NSD1: variants seen among roughly 807,000 people sequenced by gnomAD.
The protein encoded by NSD1 is nuclear receptor binding SET domain protein 1, also known as histone-lysine N-methyltransferase, H3 lysine-36 specific.
In NSD1, 26 loss-of-function variants were observed where a neutral mutation model predicts 242.7. The observed-to-expected ratio is 0.11, with a 90% confidence interval of 0.08 to 0.15. The LOEUF (loss-of-function observed/expected upper bound fraction) is 0.15, where lower values mean the gene tolerates loss of function less well. Among genes scored for constraint, NSD1 ranks in the 10% least tolerant of loss-of-function variants. The pLI is 1.00. For missense variants in NSD1, 2,495 were observed against 3,272.8 expected (o/e 0.76, Z 5.80); for synonymous variants, 1,106 against 1,178.1 (o/e 0.94, Z 1.25).
At chr5:177,293,160 G>A (rs1018403435) in intron 22 of NSD1, among the ~76,000 whole-genome samples, 3 of 152,338 alleles carry the variant, frequency 2.0e-5, no homozygotes, top group African/African-American at 7.2e-5. Context: ...TGTGCCAGGA[G>A]TGGGAGCTGG....
intron 22 of NSD1, 121 bp from the exon 23 acceptor site, chr5:177,293,711 C>T: frequency 1.8e-6 from 2 of 1,102,948 alleles, no homozygotes; most frequent in South Asian, 2.6e-5. Flanking sequence ...CATAAGCTCT[C>T]TGAAGCAGGG....
intron 5 of NSD1, among the ~76,000 whole-genome samples, chr5:177,220,662 C>T (rs148919382): frequency 3.3e-4 from 49 of 150,350 alleles, no homozygotes; most frequent in African/African-American, 1.2e-3. Context: ...CTCCGCCTCC[C>T]GGGTTCAAGT....
intron 3 of NSD1, among the ~76,000 whole-genome samples, chr5:177,199,729 A>G (rs1052655260): frequency 6.6e-6 from 1 of 151,916 alleles, no homozygotes; most frequent in Non-Finnish European, 1.5e-5. Context: ...CCTCCTGAGT[A>G]GCTGGGATTA....
intron 14 of NSD1, chr5:177,264,860 G>A (rs1216195371): frequency 1.4e-5 from 11 of 763,176 alleles, no homozygotes; most frequent in African/African-American, 5.1e-5. Flanking sequence ...GCATATATGC[G>A]AATCTATAAG....
intron 15 of NSD1, 52 bp downstream of exon 15, chr5:177,267,770 A>G (rs751069144): frequency 1.3e-6 from 2 of 1,541,984 alleles, no homozygotes; most frequent in Non-Finnish European, 1.8e-6. Flanking sequence ...GTTTCTTGAG[A>G]CCTCTCAGAT....
rs1300255319 is a variant in NSD1 at position 177,294,111 on chromosome 5, C to A, written c.6743C>A (p.Pro2248His). 6.2e-7 allele frequency: 1 copy of A among 1,613,928 alleles called. No homozygotes were observed. The highest frequency in any genetic ancestry group is 2.2e-5 in the East Asian group (1 of 44,890). Residue 2248 changes from proline to histidine, a missense_variant, in exon 23 of 23, where the codon CCC becomes CAC. Pro to His is a moderately conservative substitution (Grantham distance 77). Coordinates refer to ENST00000439151, the MANE Select transcript of NSD1 (RefSeq NM_022455.5). The stretch of plus-strand genomic sequence containing the variant: ...TCAACAGGAATGGCTGCTCAGGCAC[C>A]CAAAATGTCAGATAAACCTCCTGCT... ...EQSTGMAAQA[P>H]KMSDKPPADT...
At position 177,178,044 on chromosome 5, in the gene NSD1, G is replaced by A. The variant is rs1226671869; in HGVS notation, c.928-13840G>A. Among the ~76,000 whole-genome samples, 8 of 150,714 alleles carry A rather than the reference G, an allele frequency of 5.3e-5. No homozygotes were observed. The East Asian group carries it at 1.2e-3, about 22-fold the overall frequency. On this transcript the variant is annotated intron_variant, in intron 2 of 22. Coordinates refer to ENST00000439151, the MANE Select transcript of NSD1 (RefSeq NM_022455.5). Reference sequence around the variant, plus strand: ...TGAGTAGCTGGAACTACAGGCATGCGCTGCCACGCCTGGCTAATTTTTTTG... The same window carrying A: ...TGAGTAGCTGGAACTACAGGCATGCACTGCCACGCCTGGCTAATTTTTTTG...
chr5:177,137,496 C>T (rs1410516035), intron 2 of NSD1: 2 of 152,040 alleles, frequency 1.3e-5, no homozygotes, highest in Non-Finnish European at 2.9e-5. Flanking sequence ...CCTTGGTACT[C>T]CTTGGTTTCT....
At chr5:177,235,701 G>C in intron 5 of NSD1, 120 bp from the exon 6 acceptor site, 1 of 1,318,406 alleles carries the variant, frequency 7.6e-7, no homozygotes, top group Non-Finnish European at 1.1e-6. Flanking sequence ...TTAAGCCATA[G>C]TCTATTTTAC....
intron 13 of NSD1, among the ~76,000 whole-genome samples, chr5:177,258,368 T>C (rs1258461618): frequency 6.6e-6 from 1 of 152,058 alleles, no homozygotes. Context: ...ATTTGTTTTT[T>C]GTTTGTTTGT....
At chr5:177,173,435 C>T (rs1206162975) in intron 2 of NSD1, among the ~76,000 whole-genome samples, 1 of 143,842 alleles carries the variant, frequency 7.0e-6, no homozygotes, top group South Asian at 2.3e-4. Flanking sequence ...GTATGTCTTA[C>T]ATTGCAGAAT....
intron 5 of NSD1, among the ~76,000 whole-genome samples, chr5:177,220,142 A>G (rs1174084134): frequency 6.6e-6 from 1 of 152,180 alleles, no homozygotes; most frequent in Non-Finnish European, 1.5e-5. Flanking sequence ...AACGTGGAGT[A>G]TTAAAATCTC....
intron 3 of NSD1, among the ~76,000 whole-genome samples, chr5:177,195,316 C>CT (rs1271525206): frequency 1.3e-5 from 2 of 152,082 alleles, no homozygotes; most frequent in Non-Finnish European, 2.9e-5. Flanking sequence ...GACACTTTCT[C>CT]TTTAATTCAA....
At chr5:177,159,696 A>G (rs1397628505) in intron 2 of NSD1, among the ~76,000 whole-genome samples, 1 of 150,756 alleles carries the variant, frequency 6.6e-6, no homozygotes, top group African/African-American at 2.4e-5. Context: ...CCCACGTTCA[A>G]GCAATTCTGC....
At chr5:177,187,111 T>A (rs1312770471) in intron 2 of NSD1, among the ~76,000 whole-genome samples, 1 of 144,398 alleles carries the variant, frequency 6.9e-6, no homozygotes, top group Non-Finnish European at 1.5e-5. Context: ...TTTTTTTTTT[T>A]TTTTTTTTTT....
intron 2 of NSD1, among the ~76,000 whole-genome samples, chr5:177,163,432 C>T (rs181049427): frequency 6.5e-4 from 99 of 152,104 alleles, no homozygotes; most frequent in South Asian, 8.3e-4. Flanking sequence ...TGAGCCACCG[C>T]GCCCAGCCAT....
rs1401142770 is a variant in NSD1, at chr5:177,292,015, G to A, written c.6320G>A (p.Arg2107His). The A allele has an allele frequency of 3.1e-6, 5 of 1,613,940 alleles. No individual in the cohort carries two copies. Among genetic ancestry groups the A allele is most frequent in the Non-Finnish European group, 1.7e-6 (2 of 1,179,990 alleles). Residue 2107 changes from arginine (R) to histidine (H), a missense_variant, in exon 22 of 23, where the codon CGC (arginine) becomes CAC (histidine). By Grantham distance (29) the Arg-to-His change is conservative (BLOSUM62 0). Transcript: ENST00000439151. The stretch of plus-strand genomic sequence containing the variant: ...TTCAAGAAGAAGCAACAGGGAAAGC[G>A]CAGGACCCAGGGTGAAATCACAAAG... ...KKFKKKQQGK[R>H]RTQGEITKER...
intron 4 of NSD1, 34 bp from the exon 5 acceptor site, chr5:177,209,602 T>TA: frequency 6.5e-7 from 1 of 1,527,870 alleles, no homozygotes; most frequent in Non-Finnish European, 9.1e-7. Context: ...ATTTCTTTGA[T>TA]AAGTGATAAT....
chr5:177,286,010 C>A (rs181831192), intron 20 of NSD1, among the ~76,000 whole-genome samples: 4 of 152,254 alleles, frequency 2.6e-5, no homozygotes, highest in African/African-American at 9.6e-5. Flanking sequence ...ATTCTCCTGC[C>A]TCAGCCTCCT....
Sources: allele counts gnomAD v4.1 joint callset (sites outside exome capture counted in the v4.1 genomes callset), GRCh38; gene constraint gnomAD v4.1.1; transcripts MANE v1.5; gene names NCBI Gene and HGNC (gene_info 2026-07-23, HGNC 2026-07-21).